EXOC5: variants seen among roughly 807,000 people sequenced by gnomAD.
The protein encoded by EXOC5 is SEC10-like 1.
EXOC5 carries 17 observed loss-of-function variants against 90.8 expected under a neutral mutation model. The ratio of observed to expected loss-of-function variants is 0.19; its 90% CI spans 0.13 to 0.28. EXOC5 has a LOEUF of 0.28. Ranked by LOEUF, EXOC5 falls within the 10% of genes least tolerant of loss-of-function variation. The pLI is 1.00. For synonymous variants in EXOC5, 260 were observed against 270.0 expected, an observed-to-expected ratio of 0.96 and a Z score of 0.36; for missense variants, 569 against 830.6, an observed-to-expected ratio of 0.69 and a Z score of 3.87.
chr14:57,227,786 C>G (rs1883353072), intron 12 of EXOC5, among the ~76,000 whole-genome samples: 1 of 152,064 alleles, frequency 6.6e-6, no homozygotes, highest in Admixed American at 6.6e-5. Flanking sequence ...AATTTACTGT[C>G]TCAATATAAA....
chr14:57,255,085 A>T (rs1884311605), intron 1 of EXOC5, among the ~76,000 whole-genome samples: 1 of 152,164 alleles, frequency 6.6e-6, no homozygotes, highest in Non-Finnish European at 1.5e-5. Flanking sequence ...AGAAAAAATG[A>T]CTTTGCTTGG....
chr14:57,249,198 T>C (rs1347161402), intron 1 of EXOC5, among the ~76,000 whole-genome samples: 3 of 152,164 alleles, frequency 2.0e-5, no homozygotes, highest in Non-Finnish European at 4.4e-5. Context: ...AGGTAGGTTC[T>C]ATTAATACCA....
rs1882496182 is a variant in EXOC5, at chr14:57,201,433, CACACACACGTGTGTATATAT to C, written c.*7156_*7175del. ...ATTCTGATTAGTATATATATATACA[CACACACACGTGTGTATATAT>C]ACACACGCGTGTATATGTACACACA... On this transcript the variant is annotated 3_prime_UTR_variant, in exon 18 of 18. Transcript: ENST00000621441. 3.6e-5 allele frequency: 3 copies of C among 82,912 alleles called. No individual in the cohort carries two copies. The South Asian group carries it at 8.6e-4, about 24-fold the overall frequency. The allele number at this position is 82,912 out of a possible 1,614,324, so 5.1% of individuals were successfully genotyped here. A position where few individuals can be genotyped will look rare whatever the true frequency, so the allele number is the denominator to read the frequency against.
rs900972990 is a variant in EXOC5 at position 57,202,263 on chromosome 14, G to C, written c.*6346C>G. On this transcript the variant is annotated 3_prime_UTR_variant, in exon 18 of 18. Coordinates refer to ENST00000621441, the MANE Select transcript of EXOC5 (RefSeq NM_006544.4). ...AACTGTGTCAGAATGAATGAGACTA[G>C]AGCCACTACAACCTAAAGCAATACA... The C allele has an allele frequency of 4.6e-5, 7 of 152,154 alleles. No individual in the cohort carries two copies. Among genetic ancestry groups the C allele is most frequent in the African/African-American group, 7.2e-5 (3 of 41,444 alleles). 9.4% of individuals were successfully genotyped at this position (152,154 alleles called of 1,614,324 possible).
chr14:57,209,193 T>C (rs889810558), intron 17 of EXOC5, among the ~76,000 whole-genome samples: 2 of 151,994 alleles, frequency 1.3e-5, no homozygotes, highest in Non-Finnish European at 2.9e-5. Flanking sequence ...TCAAAGACTG[T>C]GGAACTGAAA....
chr14:57,234,260 T>C (rs1397683872), intron 7 of EXOC5, among the ~76,000 whole-genome samples: 1 of 151,908 alleles, frequency 6.6e-6, no homozygotes, highest in Non-Finnish European at 1.5e-5. Flanking sequence ...TACATATCCT[T>C]GTTGAACTTT....
chr14:57,249,889 A>G (rs960979426), intron 1 of EXOC5, among the ~76,000 whole-genome samples: 2 of 152,118 alleles, frequency 1.3e-5, no homozygotes, highest in Non-Finnish European at 2.9e-5. Context: ...CTCCTGCCTC[A>G]GCCTTCCTGA....
chr14:57,230,438 CACACACAA>C (rs1378518453), intron 11 of EXOC5, among the ~76,000 whole-genome samples: 2 of 149,494 alleles, frequency 1.3e-5, no homozygotes, highest in African/African-American at 2.6e-5. Context: ...CACACACACA[CACACACAA>C]ACACACACAC....
intron 12 of EXOC5, among the ~76,000 whole-genome samples, chr14:57,228,647 T>G (rs910926154): frequency 6.0e-5 from 9 of 149,352 alleles, no homozygotes; most frequent in African/African-American, 2.2e-4. Context: ...TAAGTGGGAG[T>G]TGAACAATGA....
intron 12 of EXOC5, among the ~76,000 whole-genome samples, chr14:57,227,236 A>G (rs1177939607): frequency 2.0e-5 from 3 of 152,250 alleles, no homozygotes; most frequent in South Asian, 4.1e-4. Flanking sequence ...AATGAAAACT[A>G]AAACTATAAT....
Position 57,205,274 on chromosome 14 carries a change from TTC to T in EXOC5, c.*3333_*3334del, listed in dbSNP as rs1882616678. 1 of 152,122 alleles carries T rather than the reference TTC, an allele frequency of 6.6e-6. No homozygotes were observed. The highest frequency in any genetic ancestry group is 2.1e-4 in the South Asian group (1 of 4,844). The allele number at this position is 152,122 out of a possible 1,614,324, so 9.4% of individuals were successfully genotyped here. ...TCTAACAATATGAACTGATCTTTTC[TTC>T]TAAAGTATAGAATAATTACAGGATA... On this transcript the variant is annotated 3_prime_UTR_variant, in exon 18 of 18. Transcript: ENST00000621441.
chr14:57,204,589 G>A lies in EXOC5; in HGVS notation c.*4020C>T, dbSNP rs553237516. The A allele has an allele frequency of 4.6e-5, 7 of 152,508 alleles. No homozygotes were observed. Among genetic ancestry groups the A allele is most frequent in the South Asian group, 2.1e-4 (1 of 4,814 alleles). 9.4% of individuals were successfully genotyped at this position (152,508 alleles called of 1,614,324 possible). A position where few individuals can be genotyped will look rare whatever the true frequency, so the allele number is the denominator to read the frequency against. ...ATTTCTTCATATCTTCCAAGGTAGA[G>A]TTGTCATTTACTTCTATGTCACAAA... On this transcript the variant is annotated 3_prime_UTR_variant, in exon 18 of 18. Coordinates refer to ENST00000621441, the MANE Select transcript of EXOC5 (RefSeq NM_006544.4).
intron 4 of EXOC5, among the ~76,000 whole-genome samples, chr14:57,240,928 C>A (rs1026739580): frequency 6.6e-6 from 1 of 152,080 alleles, no homozygotes; most frequent in South Asian, 2.1e-4. Flanking sequence ...TCTTGGCTCA[C>A]TACAATCTCC....
chr14:57,226,039 A>G (rs1484642581), intron 12 of EXOC5, among the ~76,000 whole-genome samples: 1 of 152,238 alleles, frequency 6.6e-6, no homozygotes, highest in Non-Finnish European at 1.5e-5. Context: ...TACATAAACA[A>G]TAGGACAGAG....
chr14:57,231,553 G>C lies in EXOC5; in HGVS notation c.1101C>G (p.Arg367=). 6.2e-7 allele frequency: 1 copy of C among 1,612,226 alleles called. No individual in the cohort carries two copies. Among genetic ancestry groups the C allele is most frequent in the East Asian group, 2.2e-5 (1 of 44,814 alleles). Residue 367 remains arginine, a synonymous_variant, in exon 11 of 18, where the codon CGC becomes CGG. Transcript: ENST00000621441. ...LKSRSAMILQ[R]YYDSKNHQKR... ...TTTGATGGTTTTTCGAATCATAATA[G>C]CGCTGTAGGATCATAGCACTTCTGC...
chr14:57,265,356 G>C, intron 1 of EXOC5, among the ~76,000 whole-genome samples: 1 of 152,198 alleles, frequency 6.6e-6, no homozygotes, highest in South Asian at 2.1e-4. Context: ...AATTATGGGG[G>C]AAAAAATTAA....
rs1282056823 is a variant in EXOC5 at position 57,207,635 on chromosome 14, TTAAAA to T, written c.*969_*973del. On this transcript the variant is annotated 3_prime_UTR_variant, in exon 18 of 18. Transcript: ENST00000621441. ...CAAATCTATCAATTCTCAATTCTTC[TTAAAA>T]TAAAAGACTAACCACATGTTCAGCC... The T allele has an allele frequency of 6.6e-6, 1 of 152,118 alleles. No individual in the cohort carries two copies. The highest frequency in any genetic ancestry group is 2.4e-5 in the African/African-American group (1 of 41,454). 9.4% of individuals were successfully genotyped at this position (152,118 alleles called of 1,614,324 possible). A position where few individuals can be genotyped will look rare whatever the true frequency, so the allele number is the denominator to read the frequency against.
chr14:57,236,473 A>T (rs1393425695), intron 6 of EXOC5, among the ~76,000 whole-genome samples: 9 of 151,754 alleles, frequency 5.9e-5, no homozygotes, highest in African/African-American at 2.2e-4. Context: ...TTTAATAGAG[A>T]CGGGGTTTCA....
At chr14:57,220,089 G>C (rs1336569617) in intron 13 of EXOC5, among the ~76,000 whole-genome samples, 2 of 152,114 alleles carry the variant, frequency 1.3e-5, no homozygotes, top group East Asian at 3.9e-4. Flanking sequence ...AGACTTAAGA[G>C]ACTAAAGAAA....
Sources: allele counts gnomAD v4.1 joint callset (sites outside exome capture counted in the v4.1 genomes callset), GRCh38; gene constraint gnomAD v4.1.1; transcripts MANE v1.5; gene names NCBI Gene and HGNC (gene_info 2026-07-23, HGNC 2026-07-21).